Variants in PCDHA4 observed in about 807,000 individuals in gnomAD.
The protein encoded by PCDHA4 is protocadherin alpha 4.
In PCDHA4, 49 loss-of-function variants were observed where a neutral mutation model predicts 61.4. The observed-to-expected ratio is 0.80, with a 90% confidence interval of 0.63 to 1.01. The LOEUF (loss-of-function observed/expected upper bound fraction) is 1.01. Among genes scored for constraint, PCDHA4 ranks in the 50% least tolerant of loss-of-function variants. PCDHA4 has a pLI of 0.00. For synonymous variants in PCDHA4, 590 were observed against 550.3 expected (o/e 1.07, Z -1.01); for missense variants, 1,254 against 1,235.8 (o/e 1.01, Z -0.22).
chr5:140,870,147 A>G (rs1554163846), intron 1 of PCDHA4: 2 of 1,614,086 alleles, frequency 1.2e-6, no homozygotes, highest in Non-Finnish European at 1.7e-6. Flanking sequence ...ACTCTCCTGA[A>G]GTCGCCGTGA....
chr5:140,814,952 T>G (rs1463393703), intron 1 of PCDHA4: 1 of 152,224 alleles, frequency 6.6e-6, no homozygotes, highest in African/African-American at 2.4e-5. Flanking sequence ...CTTCTTTGTC[T>G]CTTATGACAC....
chr5:140,985,532 G>A (rs1358120172), intron 3 of PCDHA4, among the ~76,000 whole-genome samples: 2 of 152,190 alleles, frequency 1.3e-5, no homozygotes, highest in African/African-American at 4.8e-5. Context: ...AAAGCTTCAC[G>A]GTGAAGATGC....
chr5:140,953,778 A>AT, intron 1 of PCDHA4, among the ~76,000 whole-genome samples: 1 of 152,106 alleles, frequency 6.6e-6, no homozygotes, highest in South Asian at 2.1e-4. Context: ...ATATTTATTT[A>AT]TTTTTTTCTT....
intron 1 of PCDHA4, among the ~76,000 whole-genome samples, chr5:140,951,398 A>T (rs1428015395): frequency 6.6e-6 from 1 of 152,100 alleles, no homozygotes; most frequent in Non-Finnish European, 1.5e-5. Flanking sequence ...TTATAAAGAA[A>T]AGAGGTTTAA....
chr5:140,817,181 GA>G (rs1554127223), intron 1 of PCDHA4: 2 of 152,204 alleles, frequency 1.3e-5, no homozygotes, highest in Non-Finnish European at 2.9e-5. Context: ...CAGCTCCCCT[GA>G]AAAGTCAGAA....
chr5:140,849,084 C>T, intron 1 of PCDHA4: 1 of 1,514,880 alleles, frequency 6.6e-7, no homozygotes. Context: ...ACTTGTATTA[C>T]GGAAACTTTT....
chr5:140,920,429 C>T (rs2079631906), intron 1 of PCDHA4, among the ~76,000 whole-genome samples: 1 of 152,136 alleles, frequency 6.6e-6, no homozygotes. Flanking sequence ...TTCTCCCACA[C>T]ACCTCTTTTA....
At chr5:140,958,586 T>A (rs561856247) in intron 1 of PCDHA4, among the ~76,000 whole-genome samples, 11 of 152,266 alleles carry the variant, frequency 7.2e-5, no homozygotes, top group African/African-American at 2.6e-4. Flanking sequence ...TAAATGAGCT[T>A]ATGATAATTG....
At chr5:140,962,384 A>G (rs1234630298) in intron 1 of PCDHA4, among the ~76,000 whole-genome samples, 7 of 152,202 alleles carry the variant, frequency 4.6e-5, no homozygotes, top group Non-Finnish European at 8.8e-5. Context: ...ATCTGTTAAT[A>G]TTACGCAATC....
At chr5:140,865,437 T>A (rs951308725) in intron 1 of PCDHA4, 1 of 152,200 alleles carries the variant, frequency 6.6e-6, no homozygotes, top group Non-Finnish European at 1.5e-5. Flanking sequence ...GAAAAATAAC[T>A]TCTGAGAAGA....
At chr5:140,961,345 C>T (rs1440791542) in intron 1 of PCDHA4, among the ~76,000 whole-genome samples, 1 of 152,136 alleles carries the variant, frequency 6.6e-6, no homozygotes, top group Non-Finnish European at 1.5e-5. Context: ...AGAGTGGATC[C>T]CTGTAGTCCC....
At chr5:140,967,029 G>T in intron 1 of PCDHA4, 1 of 1,609,056 alleles carries the variant, frequency 6.2e-7, no homozygotes, top group Non-Finnish European at 8.5e-7. Context: ...CCCAGTCCGC[G>T]CTACCTGGAG....
chr5:140,811,630 T>G (rs1764925222), intron 1 of PCDHA4: 1 of 152,238 alleles, frequency 6.6e-6, no homozygotes. Context: ...TGTAAAAGCG[T>G]TACTATTTCT....
At chr5:140,881,244 CG>C in intron 1 of PCDHA4, 1 of 397,012 alleles carries the variant, frequency 2.5e-6, no homozygotes, top group Non-Finnish European at 3.4e-6. Flanking sequence ...ATTTAAATGA[CG>C]GCAAGGTTTT....
chr5:140,808,862 A>G lies in PCDHA4; in HGVS notation c.1675A>G (p.Asn559Asp). 1 of 1,613,136 alleles carries G rather than the reference A, an allele frequency of 6.2e-7. No individual in the cohort carries two copies. The highest frequency in any genetic ancestry group is 8.5e-7 in the Non-Finnish European group (1 of 1,179,888). Residue 559 changes from asparagine (N) to aspartate (D), a missense_variant, in exon 1 of 4, where the codon AAC becomes GAC. By Grantham distance (23) the Asn-to-Asp change is conservative (BLOSUM62 1). Coordinates refer to ENST00000530339, the MANE Select transcript of PCDHA4 (RefSeq NM_018907.4). ...VTLQVFVLDE[N>D]DNAPALLAPR... Reference sequence around the variant, plus strand: ...GCTGCAGGTGTTCGTGCTGGACGAAAACGACAACGCGCCAGCACTGCTAGC... The same window carrying G: ...GCTGCAGGTGTTCGTGCTGGACGAAGACGACAACGCGCCAGCACTGCTAGC...
At chr5:140,993,227 C>T (rs1464075096) in intron 3 of PCDHA4, among the ~76,000 whole-genome samples, 1 of 152,084 alleles carries the variant, frequency 6.6e-6, no homozygotes, top group African/African-American at 2.4e-5. Context: ...TTGGTATGTT[C>T]TCTCTGAATC....
chr5:140,875,498 C>G lies in PCDHA4; in HGVS notation c.2385+65926C>G. 1.9e-6 allele frequency: 3 copies of G among 1,613,292 alleles called. No homozygotes were observed. Among genetic ancestry groups the G allele is most frequent in the Non-Finnish European group, 1.7e-6 (2 of 1,179,476 alleles). ...ATGGTGATTATCGGACCAAGAGGCCCGGGATCCCAGCGTCTGCTGCTCTCG... is the reference window on the plus strand; with the variant it reads ...ATGGTGATTATCGGACCAAGAGGCCGGGGATCCCAGCGTCTGCTGCTCTCG... On this transcript the variant is annotated intron_variant, in intron 1 of 3. Transcript: ENST00000530339.
intron 1 of PCDHA4, chr5:140,876,180 T>G (rs782772220): frequency 1.2e-6 from 2 of 1,613,982 alleles, no homozygotes; most frequent in East Asian, 4.5e-5. Flanking sequence ...TGGATGTGAA[T>G]GACAATGGTC....
At chr5:140,821,627 C>G in intron 1 of PCDHA4, 1 of 931,038 alleles carries the variant, frequency 1.1e-6, no homozygotes, top group East Asian at 2.7e-5. Context: ...TTTCCTTAGA[C>G]AGAAAGGAAA....
Sources: allele counts gnomAD v4.1 joint callset (sites outside exome capture counted in the v4.1 genomes callset), GRCh38; gene constraint gnomAD v4.1.1; transcripts MANE v1.5; gene names NCBI Gene and HGNC (gene_info 2026-07-23, HGNC 2026-07-21).